HS3ST3B1: variants seen among roughly 807,000 people sequenced by gnomAD.
The protein encoded by HS3ST3B1 is heparan sulfate glucosamine 3-O-sulfotransferase 3B1.
Under a neutral mutation model 21.3 loss-of-function variants are expected in HS3ST3B1, and 13 were observed. That is an observed-to-expected ratio of 0.61 (90% confidence interval 0.40 to 0.97). The LOEUF is 0.97. Ranked by LOEUF, HS3ST3B1 falls within the 50% of genes least tolerant of loss-of-function variation. HS3ST3B1 has a pLI of 0.00. For synonymous variants in HS3ST3B1, 234 were observed against 254.8 expected (o/e 0.92, Z 0.78); for missense variants, 459 against 554.8 (o/e 0.83, Z 1.73).
Position 14,301,181 on chromosome 17 carries a change from A to C in HS3ST3B1, c.-338A>C. On this transcript the variant is annotated 5_prime_UTR_variant, in exon 1 of 2. Coordinates refer to ENST00000360954, the MANE Select transcript of HS3ST3B1 (RefSeq NM_006041.3). ...AGCCCCGGCGTGCGGCGGTGCGCAC[A>C]GTCTAGAGTGGCCAGGGCGCGAGAG... 2.0e-5 allele frequency: 6 copies of C among 295,020 alleles called. No individual in the cohort carries two copies. The highest frequency in any genetic ancestry group is 5.3e-5 in the Admixed American group (1 of 18,928). 18.3% of individuals were successfully genotyped at this position (295,020 alleles called of 1,614,324 possible). A position where few individuals can be genotyped will look rare whatever the true frequency, so the allele number is the denominator to read the frequency against.
In HS3ST3B1 at chr17:14,301,160, C is replaced by A. The variant is rs962755585; in HGVS notation, c.-359C>A. 23 of 282,834 alleles carry A rather than the reference C, an allele frequency of 8.1e-5. No individual in the cohort carries two copies. Among genetic ancestry groups the A allele is most frequent in the Non-Finnish European group, 1.5e-4 (23 of 153,820 alleles). The allele number at this position is 282,834 out of a possible 1,614,324, so 17.5% of individuals were successfully genotyped here. The stretch of plus-strand genomic sequence containing the variant: ...TTCTTAGGACTGCAAGGAGGCAGCC[C>A]CGGCGTGCGGCGGTGCGCACAGTCT... On this transcript the variant is annotated 5_prime_UTR_variant, in exon 1 of 2. Transcript: ENST00000360954.
intron 1 of HS3ST3B1, among the ~76,000 whole-genome samples, chr17:14,343,437 G>C: frequency 6.6e-6 from 1 of 152,090 alleles, no homozygotes; most frequent in South Asian, 2.1e-4. Flanking sequence ...TATTTCTCCA[G>C]TCTAACTGAA....
chr17:14,341,802 G>T (rs1433170735), intron 1 of HS3ST3B1, among the ~76,000 whole-genome samples: 1 of 152,174 alleles, frequency 6.6e-6, no homozygotes, highest in Non-Finnish European at 1.5e-5. Flanking sequence ...CTGTCTAGTT[G>T]CAGATGGCTT....
chr17:14,342,246 C>CTT lies in HS3ST3B1; in HGVS notation c.555-2773_555-2772dup, dbSNP rs11444106. On this transcript the variant is annotated intron_variant, in intron 1 of 1. Transcript: ENST00000360954. ...TGGTCAAAAATAATGTGGAAATTCTCTTTTTTTTTTCCTTTTAATTCCTGT... is the reference window on the plus strand; with the variant it reads ...TGGTCAAAAATAATGTGGAAATTCTCTTTTTTTTTTTTCCTTTTAATTCCTGT... Among the ~76,000 whole-genome samples the CTT allele has an allele frequency of 5.3e-5, 8 of 149,876 alleles. No homozygotes were observed. In the East Asian group the frequency reaches 1.6e-3, roughly 29 times the overall value.
At chr17:14,307,698 A>G (rs933872711) in intron 1 of HS3ST3B1, among the ~76,000 whole-genome samples, 5 of 152,148 alleles carry the variant, frequency 3.3e-5, no homozygotes, top group Non-Finnish European at 5.9e-5. Flanking sequence ...ACTGGTTTCT[A>G]TGTCAGTAGT....
chr17:14,319,658 G>C (rs1042334608), intron 1 of HS3ST3B1, among the ~76,000 whole-genome samples: 1 of 152,130 alleles, frequency 6.6e-6, no homozygotes, highest in Non-Finnish European at 1.5e-5. Flanking sequence ...AGGGAGATGG[G>C]CAGTAAAGAA....
rs116553485 is a variant in HS3ST3B1, at chr17:14,346,695, G to T, written c.*1049G>T. 9.9e-3 allele frequency: 1,512 copies of T among 152,328 alleles called. 16 individuals carry two copies. The highest frequency in any genetic ancestry group is 0.071 in the Middle Eastern group (21 of 296). The allele number at this position is 152,328 out of a possible 1,614,324, so 9.4% of individuals were successfully genotyped here. A position where few individuals can be genotyped will look rare whatever the true frequency, so the allele number is the denominator to read the frequency against. ...TAGATTGTTGCCCCGTCTTTCCCAG[G>T]TCACATGTGTGAGATGCCTGGGTGC... On this transcript the variant is annotated 3_prime_UTR_variant, in exon 2 of 2. Transcript: ENST00000360954.
chr17:14,326,946 A>C (rs949900158), intron 1 of HS3ST3B1, among the ~76,000 whole-genome samples: 2 of 146,852 alleles, frequency 1.4e-5, no homozygotes, highest in African/African-American at 5.1e-5. Context: ...AAAAAAAAAA[A>C]GAAGAAGAAG....
chr17:14,338,524 C>A lies in HS3ST3B1; in HGVS notation c.555-6504C>A, dbSNP rs898147352. ...ATGGCACCATCTCGGCTCACTGCAA[C>A]CTCTGCGTCCCAGGTTCAAGTGATT... On this transcript the variant is annotated intron_variant, in intron 1 of 1. Coordinates refer to ENST00000360954, the MANE Select transcript of HS3ST3B1 (RefSeq NM_006041.3). 7.3e-5 allele frequency among the ~76,000 whole-genome samples: 11 copies of A among 151,678 alleles called. 2 individuals are homozygous for A. The highest frequency in any genetic ancestry group is 2.7e-4 in the African/African-American group (11 of 41,004).
chr17:14,327,683 A>G (rs925908547), intron 1 of HS3ST3B1: 3 of 152,212 alleles, frequency 2.0e-5, no homozygotes, highest in Admixed American at 1.3e-4. Flanking sequence ...GTTTCTTGAC[A>G]TATTTGCATC....
Position 14,345,228 on chromosome 17 carries a change from A to G in HS3ST3B1, c.755A>G (p.Glu252Gly). Reference protein sequence around the residue: ...LSKRPDIPTFESLTFKNRTAG... With the variant: ...LSKRPDIPTFGSLTFKNRTAG... The stretch of plus-strand genomic sequence containing the variant: ...AAGCGGCCCGACATCCCCACCTTCG[A>G]GAGCTTGACGTTCAAAAACAGGACA... The change falls in exon 2 of 2, where the codon GAG becomes GGG. Residue 252 changes from glutamate to glycine, a missense_variant. Around this residue, in one of 3 missense-constraint regions of HS3ST3B1, gnomAD observed 127 missense variants for 209.9 expected, o/e 0.60. Coordinates refer to ENST00000360954, the MANE Select transcript of HS3ST3B1 (RefSeq NM_006041.3). 2.1e-6 allele frequency: 3 copies of G among 1,400,666 alleles called. No homozygotes were observed. Among genetic ancestry groups the G allele is most frequent in the Non-Finnish European group, 3.0e-6 (3 of 1,007,628 alleles). The allele number at this position is 1,400,666 out of a possible 1,614,324, so 86.8% of individuals were successfully genotyped here. A position where few individuals can be genotyped will look rare whatever the true frequency, so the allele number is the denominator to read the frequency against.
At chr17:14,316,767 T>C (rs1909513688) in intron 1 of HS3ST3B1, among the ~76,000 whole-genome samples, 1 of 152,218 alleles carries the variant, frequency 6.6e-6, no homozygotes, top group African/African-American at 2.4e-5. Context: ...GTCCTGCAGT[T>C]CACACAGCAC....
intron 1 of HS3ST3B1, among the ~76,000 whole-genome samples, chr17:14,311,647 T>G (rs1424407686): frequency 6.6e-6 from 1 of 152,172 alleles, no homozygotes; most frequent in Non-Finnish European, 1.5e-5. Context: ...ATAGTATCAT[T>G]CAGGGTAGTT....
At chr17:14,302,191 A>C in intron 1 of HS3ST3B1, 119 bp downstream of exon 1, 1 of 1,235,146 alleles carries the variant, frequency 8.1e-7, no homozygotes, top group Non-Finnish European at 1.1e-6. Flanking sequence ...GGGGTAGGGC[A>C]GGGAAACTAC....
rs1489111122 is a variant in HS3ST3B1, at chr17:14,303,015, G to C, written c.554+943G>C. 3.3e-5 allele frequency among the ~76,000 whole-genome samples: 5 copies of C among 152,320 alleles called. No homozygotes were observed. The East Asian group carries it at 7.7e-4, about 24-fold the overall frequency. On this transcript the variant is annotated intron_variant, in intron 1 of 1. Transcript: ENST00000360954. This position sits in a 1 kb window ranked among gnomAD's most constrained non-coding sequence, Gnocchi z 5.7. ...GGTTCCAAAGGGACAGTGGCCCCGG[G>C]GTCACAATCACTACCTCTGCCCACT... is the stretch of plus-strand genomic sequence containing the variant.
In HS3ST3B1 at chr17:14,326,946, AG is replaced by A. The variant is rs1404957871; in HGVS notation, c.555-18081del. Among the ~76,000 whole-genome samples the A allele has an allele frequency of 5.3e-4, 78 of 146,930 alleles. 1 individual carries two copies. Among genetic ancestry groups the A allele is most frequent in the African/African-American group, 1.9e-3 (74 of 39,110 alleles). On this transcript the variant is annotated intron_variant, in intron 1 of 1. Coordinates refer to ENST00000360954, the MANE Select transcript of HS3ST3B1 (RefSeq NM_006041.3). ...CAAAAAAAAAAAAAAAAAAAAAAAA[AG>A]AAGAAGAAGAAGAAGCTTCAGTTGT... is the stretch of plus-strand genomic sequence containing the variant.
intron 1 of HS3ST3B1, among the ~76,000 whole-genome samples, chr17:14,323,536 C>A (rs951884924): frequency 1.2e-4 from 19 of 152,148 alleles, no homozygotes; most frequent in African/African-American, 4.3e-4. Flanking sequence ...ATCTTATATC[C>A]CCACTTTTGG....
intron 1 of HS3ST3B1, chr17:14,305,375 T>C (rs577065248): frequency 6.6e-6 from 1 of 152,280 alleles, no homozygotes; most frequent in Admixed American, 6.5e-5. Context: ...CCCATAGTGT[T>C]TGGGAAACAC....
intron 1 of HS3ST3B1, among the ~76,000 whole-genome samples, chr17:14,312,586 T>A (rs1909340293): frequency 6.6e-6 from 1 of 152,168 alleles, no homozygotes; most frequent in South Asian, 2.1e-4. Flanking sequence ...ATGCCATCCG[T>A]GTGCCAACCC....
Sources: allele counts gnomAD v4.1 joint callset (sites outside exome capture counted in the v4.1 genomes callset), GRCh38; gene constraint gnomAD v4.1.1; regional missense constraint gnomAD v4.1.1; non-coding constraint Gnocchi (gnomAD v3.1); transcripts MANE v1.5; gene names NCBI Gene and HGNC (gene_info 2026-07-23, HGNC 2026-07-21).